The following SPATA6 variants were observed in gnomAD, a reference collection of about 807,000 sequenced individuals.
SPATA6 encodes the protein spermatogenesis associated 6.
In SPATA6, 56 loss-of-function variants were observed where a neutral mutation model predicts 65.3. The ratio of observed to expected loss-of-function variants is 0.86; its 90% confidence interval spans 0.69 to 1.07. SPATA6 has a LOEUF of 1.07. Ranked by LOEUF, SPATA6 falls within the 50% of genes least tolerant of loss-of-function variation. The pLI, the probability that SPATA6 is intolerant of heterozygous loss-of-function variation, is 0.00. For synonymous variants in SPATA6, 199 were observed against 213.2 expected (o/e 0.93, Z 0.58); for missense variants, 590 against 594.8 (o/e 0.99, Z 0.08).
intron 11 of SPATA6, among the ~76,000 whole-genome samples, chr1:48,320,632 G>C (rs1020484002): frequency 1.3e-5 from 2 of 152,134 alleles, no homozygotes; most frequent in Admixed American, 1.3e-4. Flanking sequence ...TCTTCAATAT[G>C]AAAGAAAAGG....
At chr1:48,421,430 C>G (rs1416047) in intron 3 of SPATA6, among the ~76,000 whole-genome samples, 47,176 of 151,960 alleles carry the variant, frequency 0.31, 8,984 homozygotes, top group Middle Eastern at 0.44. Context: ...TATTTGATCT[C>G]TATCTTATAT....
rs548847473 is a variant in SPATA6, at chr1:48,439,401, G to T, written c.238+12151C>A. ...CATTGCGGGTTCTTGGGCAAGAGGG[G>T]TTTCTGCTGCTGCGTCAGTGAGCGC... is the stretch of plus-strand genomic sequence containing the variant. On this transcript the variant is annotated intron_variant, in intron 3 of 12. Coordinates refer to ENST00000371847, the MANE Select transcript of SPATA6 (RefSeq NM_019073.4). Among the ~76,000 whole-genome samples, 37 of 152,098 alleles carry T rather than the reference G, an allele frequency of 2.4e-4. No individual in the cohort carries two copies. In the East Asian group the frequency reaches 5.6e-3, roughly 23 times the overall value.
At chr1:48,345,940 C>T (rs1011502183) in intron 11 of SPATA6, among the ~76,000 whole-genome samples, 1 of 152,062 alleles carries the variant, frequency 6.6e-6, no homozygotes, top group African/African-American at 2.4e-5. Flanking sequence ...ACTATTCTTA[C>T]TGAAACTATT....
chr1:48,457,348 C>T (rs751688741), intron 1 of SPATA6, among the ~76,000 whole-genome samples: 1 of 152,084 alleles, frequency 6.6e-6, no homozygotes, highest in Non-Finnish European at 1.5e-5. Context: ...AGAAGAATTG[C>T]TTGAACCAGG....
At chr1:48,418,795 A>AGGAGGGAAGGAG (rs1653043549) in intron 3 of SPATA6, among the ~76,000 whole-genome samples, 1 of 123,078 alleles carries the variant, frequency 8.1e-6, no homozygotes, top group African/African-American at 2.9e-5. Flanking sequence ...AAGGGAAGGA[A>AGGAGGGAAGGAG]GGAAGGAGGG....
chr1:48,390,374 A>G (rs1649923527), intron 8 of SPATA6, among the ~76,000 whole-genome samples: 2 of 152,214 alleles, frequency 1.3e-5, no homozygotes, highest in African/African-American at 4.8e-5. Context: ...ATTCTCTCAT[A>G]GAAAGTAGAA....
chr1:48,364,256 A>C (rs572021600), intron 9 of SPATA6, among the ~76,000 whole-genome samples: 3 of 152,342 alleles, frequency 2.0e-5, no homozygotes, highest in South Asian at 4.1e-4. Flanking sequence ...GTGCCACAAT[A>C]AACATACATG....
chr1:48,360,589 G>C (rs558565137), intron 9 of SPATA6, among the ~76,000 whole-genome samples: 1 of 152,268 alleles, frequency 6.6e-6, no homozygotes, highest in Middle Eastern at 3.4e-3. Flanking sequence ...AGCCAGTGGA[G>C]CTCGACTGGG....
At chr1:48,308,445 G>A (rs1645115395) in intron 11 of SPATA6, among the ~76,000 whole-genome samples, 1 of 151,836 alleles carries the variant, frequency 6.6e-6, no homozygotes, top group African/African-American at 2.4e-5. Flanking sequence ...TTATTGTTTT[G>A]TGAGGTCATC....
chr1:48,298,677 T>C lies in SPATA6; in HGVS notation c.*36A>G, dbSNP rs781390686. 1.9e-6 allele frequency: 3 copies of C among 1,546,906 alleles called. No individual in the cohort carries two copies. In the East Asian group the frequency reaches 6.8e-5, roughly 35 times the overall value. On this transcript the variant is annotated 3_prime_UTR_variant, in exon 13 of 13. Coordinates refer to ENST00000371847, the MANE Select transcript of SPATA6 (RefSeq NM_019073.4). Reference sequence around the variant, plus strand: ...ACATCAAACATTTTCATTGAGAAATTGACACGGACACTAATGAGGTTTATC... The same window carrying C: ...ACATCAAACATTTTCATTGAGAAATCGACACGGACACTAATGAGGTTTATC...
chr1:48,365,005 C>T (rs1000833660), intron 9 of SPATA6, among the ~76,000 whole-genome samples: 6 of 152,178 alleles, frequency 3.9e-5, no homozygotes, highest in African/African-American at 1.4e-4. Flanking sequence ...CCAGTTTCAG[C>T]TTTCTACATA....
At chr1:48,374,829 A>G (rs1329382071) in intron 9 of SPATA6, among the ~76,000 whole-genome samples, 1 of 152,186 alleles carries the variant, frequency 6.6e-6, no homozygotes, top group Non-Finnish European at 1.5e-5. Context: ...CCACACTGAA[A>G]GCTCTCTTAA....
At chr1:48,433,324 G>C (rs2148066576) in intron 3 of SPATA6, among the ~76,000 whole-genome samples, 1 of 152,170 alleles carries the variant, frequency 6.6e-6, no homozygotes, top group African/African-American at 2.4e-5. Context: ...TTACTTCAAG[G>C]AGAAAGACTA....
intron 3 of SPATA6, among the ~76,000 whole-genome samples, chr1:48,422,317 G>A (rs888190440): frequency 1.8e-4 from 27 of 152,198 alleles, no homozygotes; most frequent in Non-Finnish European, 3.4e-4. Flanking sequence ...GGCAAAGCCA[G>A]GGAGATGAAC....
intron 3 of SPATA6, chr1:48,437,036 G>A: frequency 1.2e-6 from 2 of 1,606,764 alleles, no homozygotes; most frequent in Non-Finnish European, 1.7e-6. Flanking sequence ...CCTGAGAAAA[G>A]GCCATCAGCA....
intron 3 of SPATA6, among the ~76,000 whole-genome samples, chr1:48,422,703 C>T (rs1353862911): frequency 6.6e-6 from 1 of 152,118 alleles, no homozygotes; most frequent in African/African-American, 2.4e-5. Context: ...CAAGATACTA[C>T]ACCTTCAATT....
At chr1:48,272,011 T>C in the SPATA6 span, among the ~76,000 whole-genome samples, 1 of 152,134 alleles carries the variant, frequency 6.6e-6, no homozygotes, top group East Asian at 1.9e-4. Context: ...TCTACAAATA[T>C]AGCAAAATGC....
chr1:48,283,717 G>GA, the SPATA6 span, among the ~76,000 whole-genome samples: 1 of 134,798 alleles, frequency 7.4e-6, no homozygotes, highest in African/African-American at 3.2e-5. Context: ...AAGAAAGAAA[G>GA]AAAGAAAATT....
At chr1:48,444,198 C>T (rs1655788792) in intron 3 of SPATA6, among the ~76,000 whole-genome samples, 1 of 152,202 alleles carries the variant, frequency 6.6e-6, no homozygotes, top group South Asian at 2.1e-4. Context: ...TCTGTAAAAA[C>T]GCACCAATCA....
Sources: gnomAD v4.1 joint callset for allele counts (sites outside exome capture counted in the v4.1 genomes callset) on GRCh38, gnomAD v4.1.1 for gene constraint, MANE v1.5 for transcripts, NCBI Gene and HGNC (gene_info 2026-07-23, HGNC 2026-07-21) for gene names.